Variants in TJP1 observed in about 807,000 individuals in gnomAD.
TJP1 encodes the protein tight junction protein ZO-1.
In TJP1, 43 loss-of-function variants were observed where a neutral mutation model predicts 194.2. The observed-to-expected ratio is 0.22, with a 90% CI of 0.17 to 0.29. TJP1 has a LOEUF of 0.29. Among genes scored for constraint, TJP1 ranks in the 10% least tolerant of loss-of-function variants. The probability of loss-of-function intolerance (pLI) is 1.00; values close to 1 mark genes in which losing one functional copy is unlikely to be tolerated. For missense variants in TJP1, 1,971 were observed against 2,185.7 expected, an observed-to-expected ratio of 0.90 and a Z score of 1.96; for synonymous variants, 801 against 779.0, an observed-to-expected ratio of 1.03 and a Z score of -0.47.
intron 8 of TJP1, among the ~76,000 whole-genome samples, chr15:29,760,811 T>A (rs1366196758): frequency 6.6e-6 from 1 of 152,238 alleles, no homozygotes; most frequent in Non-Finnish European, 1.5e-5. Flanking sequence ...TATGACAAAC[T>A]GCAGCTGCGG....
intron 2 of TJP1, among the ~76,000 whole-genome samples, chr15:29,915,993 T>C (rs1407446210): frequency 2.6e-5 from 4 of 152,096 alleles, no homozygotes; most frequent in Non-Finnish European, 4.4e-5. Context: ...ATCCACGTTA[T>C]AAAAACATTA....
intron 2 of TJP1, among the ~76,000 whole-genome samples, chr15:29,936,608 G>A (rs1719001): frequency 0.17 from 25,439 of 152,062 alleles, 2,331 homozygotes; most frequent in East Asian, 0.37. Context: ...TACTCCAGGT[G>A]CTGCAGTCTG....
At chr15:29,715,518 T>A (rs1056084870) in intron 23 of TJP1, among the ~76,000 whole-genome samples, 12 of 152,232 alleles carry the variant, frequency 7.9e-5, no homozygotes, top group Non-Finnish European at 1.8e-4. Context: ...CAATAGTAAA[T>A]GACAAATAGG....
intron 1 of TJP1, among the ~76,000 whole-genome samples, chr15:29,819,881 C>T (rs1407371607): frequency 6.6e-6 from 1 of 152,172 alleles, no homozygotes; most frequent in Non-Finnish European, 1.5e-5. Flanking sequence ...AGAATTTAAA[C>T]TGCACATAGC....
At chr15:29,730,237 C>T (rs2043536263) in intron 15 of TJP1, among the ~76,000 whole-genome samples, 1 of 152,004 alleles carries the variant, frequency 6.6e-6, no homozygotes, top group African/African-American at 2.4e-5. Context: ...AATTAACTTT[C>T]CAACTTTTCC....
chr15:29,704,971 C>T (rs541836956), intron 26 of TJP1, among the ~76,000 whole-genome samples: 7 of 152,352 alleles, frequency 4.6e-5, no homozygotes, highest in Admixed American at 3.3e-4. Flanking sequence ...AATCACAACA[C>T]ACTTCGTTAT....
chr15:29,839,159 C>T (rs191138801), intron 2 of TJP1, among the ~76,000 whole-genome samples: 120 of 151,838 alleles, frequency 7.9e-4, no homozygotes, highest in African/African-American at 2.7e-3. Context: ...CCACCATGCC[C>T]GGCTAATCTT....
chr15:29,909,029 C>T (rs1270895823), intron 2 of TJP1, among the ~76,000 whole-genome samples: 4 of 151,594 alleles, frequency 2.6e-5, no homozygotes, highest in African/African-American at 4.9e-5. Flanking sequence ...TGGTGGTGGG[C>T]GCCTGTAGTC....
intron 1 of TJP1, among the ~76,000 whole-genome samples, chr15:29,966,431 G>C (rs2056335369): frequency 6.6e-6 from 1 of 152,116 alleles, no homozygotes; most frequent in Non-Finnish European, 1.5e-5. Flanking sequence ...TTGAATCCTG[G>C]AGTGGAGGTT....
In TJP1 at chr15:29,754,946, G is replaced by A. The variant is rs80284287; in HGVS notation, c.1010+6193C>T. ...ATATTTATAGTTCTCAAATGCTGAC[G>A]AAAACAATTATGGAAGGTAGAGGAA... is the stretch of plus-strand genomic sequence containing the variant. On this transcript the variant is annotated intron_variant, in intron 8 of 27. Coordinates refer to ENST00000614355, the MANE Select transcript of TJP1 (RefSeq NM_001330239.4). Among the ~76,000 whole-genome samples the A allele has an allele frequency of 1.7e-3, 264 of 152,184 alleles. 1 individual carries two copies. The highest frequency in any genetic ancestry group is 6.0e-3 in the African/African-American group (249 of 41,530).
At chr15:29,910,329 G>T (rs1292039889) in intron 2 of TJP1, among the ~76,000 whole-genome samples, 1 of 152,178 alleles carries the variant, frequency 6.6e-6, no homozygotes, top group Non-Finnish European at 1.5e-5. Flanking sequence ...TGGAAAGAGT[G>T]ATTTTATTAG....
At chr15:29,833,883 T>TA (rs1451785597) in intron 2 of TJP1, among the ~76,000 whole-genome samples, 1 of 9,836 alleles carries the variant, frequency 1.0e-4, no homozygotes, top group Non-Finnish European at 2.2e-4. Flanking sequence ...ATATATATAT[T>TA]TTTTTTTTTT....
At chr15:29,902,911 G>A (rs1339179979) in intron 2 of TJP1, among the ~76,000 whole-genome samples, 1 of 152,128 alleles carries the variant, frequency 6.6e-6, no homozygotes, top group Non-Finnish European at 1.5e-5. Context: ...GCGGGCGCCT[G>A]TAATCCCAGC....
chr15:29,895,778 C>G (rs1251670284), intron 2 of TJP1, among the ~76,000 whole-genome samples: 1 of 152,200 alleles, frequency 6.6e-6, no homozygotes, highest in Non-Finnish European at 1.5e-5. Flanking sequence ...AACCACACTC[C>G]CAGTACCAGT....
At chr15:29,757,871 G>A (rs909908512) in intron 8 of TJP1, among the ~76,000 whole-genome samples, 1 of 152,094 alleles carries the variant, frequency 6.6e-6, no homozygotes, top group Non-Finnish European at 1.5e-5. Flanking sequence ...ACTTACACTC[G>A]AATTTTCTTC....
rs753572149 is a variant in TJP1 at position 29,762,326 on chromosome 15, T to G, written c.693+9A>C. On this transcript the variant is annotated intron_variant, in intron 6 of 27. Coordinates refer to ENST00000614355, the MANE Select transcript of TJP1 (RefSeq NM_001330239.4). The stretch of plus-strand genomic sequence containing the variant: ...TTCAGTTCATTAAAAAGTAAGAATA[T>G]GATTATACCTTCAATACAACATCAC... 2 of 1,602,378 alleles carry G rather than the reference T, an allele frequency of 1.2e-6. No homozygotes were observed. The highest frequency in any genetic ancestry group is 1.1e-5 in the South Asian group (1 of 90,382).
chr15:29,950,227 C>G (rs528488149), intron 2 of TJP1, among the ~76,000 whole-genome samples: 1 of 148,406 alleles, frequency 6.7e-6, no homozygotes, highest in Non-Finnish European at 1.5e-5. Flanking sequence ...CCACCGCTAC[C>G]TCCACCACCA....
In TJP1 at chr15:29,732,846, G is replaced by A. The variant is rs751083839; in HGVS notation, c.1737-31C>T. 1.4e-5 allele frequency: 22 copies of A among 1,544,632 alleles called. No homozygotes were observed. In the East Asian group the frequency reaches 4.5e-4, roughly 32 times the overall value. ...CAAGAAAGGAGAAAATTAAAATAAG[G>A]GCATTTAAAATGCAAAATGGAAAAA... On this transcript the variant is annotated intron_variant, in intron 13 of 27. Coordinates refer to ENST00000614355, the MANE Select transcript of TJP1 (RefSeq NM_001330239.4).
chr15:29,780,392 G>A (rs558553571), intron 2 of TJP1, among the ~76,000 whole-genome samples: 3 of 152,094 alleles, frequency 2.0e-5, no homozygotes, highest in African/African-American at 7.2e-5. Context: ...TCACAACAGG[G>A]TTCACACTCC....
Sources: allele counts gnomAD v4.1 joint callset (sites outside exome capture counted in the v4.1 genomes callset), GRCh38; gene constraint gnomAD v4.1.1; transcripts MANE v1.5; gene names NCBI Gene and HGNC (gene_info 2026-07-23, HGNC 2026-07-21).